EDARADD: variants seen among roughly 807,000 people sequenced by gnomAD.
The protein encoded by EDARADD is EDAR associated via death domain.
In EDARADD, 20 loss-of-function variants were observed where a neutral mutation model predicts 25.6. That is an observed-to-expected ratio of 0.78 (90% CI 0.55 to 1.14). The LOEUF is 1.14. EDARADD is among the 50% of genes most tolerant of loss of function. The pLI is 0.00. For synonymous variants in EDARADD, 86 were observed against 94.4 expected (o/e 0.91, Z 0.52); for missense variants, 225 against 270.1 (o/e 0.83, Z 1.17).
intron 3 of EDARADD, among the ~76,000 whole-genome samples, chr1:236,423,533 G>A (rs1022482815): frequency 1.3e-5 from 2 of 152,204 alleles, no homozygotes; most frequent in African/African-American, 4.8e-5. Flanking sequence ...ATGAGACTGA[G>A]AAAGTAGGAT....
chr1:236,351,916 CG>C (rs1443342949), intron 3 of EDARADD, among the ~76,000 whole-genome samples: 2 of 151,880 alleles, frequency 1.3e-5, no homozygotes, highest in African/African-American at 4.8e-5. Context: ...GGAGGTTTCT[CG>C]GAACTGTGGT....
At chr1:236,416,904 G>A (rs936225775) in intron 3 of EDARADD, among the ~76,000 whole-genome samples, 2 of 152,096 alleles carry the variant, frequency 1.3e-5, no homozygotes, top group African/African-American at 4.8e-5. Context: ...TTGACTCCAG[G>A]AGTTCAAGAC....
rs1659755481 is a variant in EDARADD at position 236,483,878 on chromosome 1, T to C, written c.*1229T>C. On this transcript the variant is annotated 3_prime_UTR_variant, in exon 6 of 6. Transcript: ENST00000334232. ...CGATTGGGAAAGCTGGCTACACTGATAAGGTGATCGTCAGCATGGACGTAG... is the reference window on the plus strand; with the variant it reads ...CGATTGGGAAAGCTGGCTACACTGACAAGGTGATCGTCAGCATGGACGTAG... 1 of 1,384,412 alleles carries C rather than the reference T, an allele frequency of 7.2e-7. No individual in the cohort carries two copies. 85.8% of individuals were successfully genotyped at this position (1,384,412 alleles called of 1,614,324 possible).
At chr1:236,460,320 G>A (rs1490676678) in intron 4 of EDARADD, among the ~76,000 whole-genome samples, 1 of 151,614 alleles carries the variant, frequency 6.6e-6, no homozygotes, top group Non-Finnish European at 1.5e-5. Flanking sequence ...ACATAGCTAG[G>A]ACTACAGGCG....
Position 236,484,308 on chromosome 1 carries a change from A to T in EDARADD, c.*1659A>T. 8.9e-7 allele frequency: 1 copy of T among 1,127,122 alleles called. No individual in the cohort carries two copies. The highest frequency in any genetic ancestry group is 1.4e-6 in the Non-Finnish European group (1 of 736,850). The allele number at this position is 1,127,122 out of a possible 1,614,324, so 69.8% of individuals were successfully genotyped here. On this transcript the variant is annotated 3_prime_UTR_variant, in exon 6 of 6. Coordinates refer to ENST00000334232, the MANE Select transcript of EDARADD (RefSeq NM_145861.4). The surrounding 1 kb of genome is among the most constrained non-coding windows in gnomAD (Gnocchi z 4.1). ...TGGGGAGACTGAAAATACCTTCATCACTGACCTGGTGGTGGGGCTGTGACC... is the reference window on the plus strand; with the variant it reads ...TGGGGAGACTGAAAATACCTTCATCTCTGACCTGGTGGTGGGGCTGTGACC...
chr1:236,408,696 T>G (rs1295861212), intron 1 of EDARADD, among the ~76,000 whole-genome samples: 1 of 151,946 alleles, frequency 6.6e-6, no homozygotes, highest in Non-Finnish European at 1.5e-5. Flanking sequence ...TGAGCTATGA[T>G]TGTGCCACTG....
chr1:236,455,502 C>G (rs79303020), intron 4 of EDARADD, among the ~76,000 whole-genome samples: 1,665 of 152,310 alleles, frequency 0.011, 30 homozygotes, highest in African/African-American at 0.036. Flanking sequence ...AAAATCAGAT[C>G]GTTCTGGTTT....
At chr1:236,453,137 A>T (rs1426415010) in intron 4 of EDARADD, among the ~76,000 whole-genome samples, 7 of 152,182 alleles carry the variant, frequency 4.6e-5, no homozygotes, top group Non-Finnish European at 1.0e-4. Flanking sequence ...CTTCCTAGTG[A>T]TAAGTGCCAC....
chr1:236,365,149 C>CATTTTTTT (rs57920823), intron 3 of EDARADD, among the ~76,000 whole-genome samples: 1 of 150,122 alleles, frequency 6.7e-6, no homozygotes. Flanking sequence ...GTTTTCTTTT[C>CATTTTTTT]TTTTTTTTTT....
At chr1:236,358,141 G>C (rs555533383) in intron 3 of EDARADD, among the ~76,000 whole-genome samples, 1 of 152,168 alleles carries the variant, frequency 6.6e-6, no homozygotes, top group Non-Finnish European at 1.5e-5. Flanking sequence ...AAAGTGCTAG[G>C]ATTACAGGCA....
In EDARADD at chr1:236,395,482, C is replaced by A. The variant is rs1667498350; in HGVS notation, c.61+977C>A. Reference sequence around the variant, plus strand: ...AGGAGAAGAAGAAGGGAGGGGAAGGCGGAGGAGGGCAGGGGCGCGCAGAGC... The same window carrying A: ...AGGAGAAGAAGAAGGGAGGGGAAGGAGGAGGAGGGCAGGGGCGCGCAGAGC... On this transcript the variant is annotated intron_variant, in intron 1 of 5. Coordinates refer to ENST00000334232, the MANE Select transcript of EDARADD (RefSeq NM_145861.4). The surrounding 1 kb of genome is among the most constrained non-coding windows in gnomAD (Gnocchi z 6.9). 8.0e-6 allele frequency: 12 copies of A among 1,506,790 alleles called. No individual in the cohort carries two copies. The South Asian group carries it at 1.5e-4, about 19-fold the overall frequency. 93.3% of individuals were successfully genotyped at this position (1,506,790 alleles called of 1,614,324 possible).
At chr1:236,405,013 G>T (rs1667681060) in intron 1 of EDARADD, among the ~76,000 whole-genome samples, 1 of 151,936 alleles carries the variant, frequency 6.6e-6, no homozygotes, top group African/African-American at 2.4e-5. Context: ...AGAAACGCTT[G>T]AACTCAGGAG....
intron 3 of EDARADD, among the ~76,000 whole-genome samples, chr1:236,368,443 T>TTTC (rs1553262556): frequency 4.2e-4 from 62 of 148,078 alleles, no homozygotes; most frequent in African/African-American, 1.4e-3. Flanking sequence ...GTCTTTTCTT[T>TTTC]TTTTTTTTTT....
At position 236,484,206 on chromosome 1, in the gene EDARADD, C is replaced by T; in HGVS notation, c.*1557C>T. ...CCTCCTGCTCAAAGTGAACCAGATT[C>T]GCTCTGTGACTGAGTCCCTTCAGGC... On this transcript the variant is annotated 3_prime_UTR_variant, in exon 6 of 6. Coordinates refer to ENST00000334232, the MANE Select transcript of EDARADD (RefSeq NM_145861.4). This position sits in a 1 kb window ranked among gnomAD's most constrained non-coding sequence, Gnocchi z 4.1. 3.8e-6 allele frequency: 4 copies of T among 1,051,950 alleles called. No homozygotes were observed. Among genetic ancestry groups the T allele is most frequent in the African/African-American group, 1.6e-5 (1 of 64,232 alleles). The allele number at this position is 1,051,950 out of a possible 1,614,324, so 65.2% of individuals were successfully genotyped here. A position where few individuals can be genotyped will look rare whatever the true frequency, so the allele number is the denominator to read the frequency against.
intron 5 of EDARADD, among the ~76,000 whole-genome samples, chr1:236,479,025 GGAAGGGGGT>G (rs1659590344): frequency 6.6e-6 from 1 of 152,154 alleles, no homozygotes; most frequent in Non-Finnish European, 1.5e-5. Context: ...GGAAAAGGTG[GGAAGGGGGT>G]GAAGGATAAA....
At position 236,349,875 on chromosome 1, in the gene EDARADD, A is replaced by C. The variant is rs183543663; in HGVS notation, c.-141-829A>C. Among the ~76,000 whole-genome samples, 560 of 152,280 alleles carry C rather than the reference A, an allele frequency of 3.7e-3. 4 individuals are homozygous for C. Among genetic ancestry groups the C allele is most frequent in the African/African-American group, 0.013 (539 of 41,550 alleles). On this transcript the variant is annotated intron_variant, in intron 2 of 7. Coordinates refer to the EDARADD transcript ENST00000439430. ...GCCTGTATTCCCAGCATTTTGGAAG[A>C]TTGAGGCAGGCAGATCGCCTGAGGT... is the stretch of plus-strand genomic sequence containing the variant.
rs760533767 is a variant in EDARADD, at chr1:236,409,133, TAG to T, written c.62-79_62-78del. Reference sequence around the variant, plus strand: ...CTAAGTAAAATTACTTGCCTCTGTATAGAGACAGTTATCAAAGGACTCATTTG... The same window carrying T: ...CTAAGTAAAATTACTTGCCTCTGTATAGACAGTTATCAAAGGACTCATTTG... On this transcript the variant is annotated intron_variant, in intron 1 of 5. Transcript: ENST00000334232. 4.1e-5 allele frequency: 39 copies of T among 959,746 alleles called. No homozygotes were observed. The South Asian group carries it at 4.7e-4, about 11-fold the overall frequency. The allele number at this position is 959,746 out of a possible 1,614,324, so 59.5% of individuals were successfully genotyped here.
chr1:236,435,421 A>G (rs1222213164), intron 4 of EDARADD, among the ~76,000 whole-genome samples: 2 of 152,214 alleles, frequency 1.3e-5, no homozygotes, highest in East Asian at 3.8e-4. Flanking sequence ...TCATAATTGT[A>G]TCTTCAATGC....
At chr1:236,355,231 G>A (rs74150415) in intron 3 of EDARADD, among the ~76,000 whole-genome samples, 3,568 of 152,222 alleles carry the variant, frequency 0.023, 145 homozygotes, top group African/African-American at 0.081. Flanking sequence ...TTACTGCTAC[G>A]TTGCTGTTGT....
Sources: gnomAD v4.1 joint callset for allele counts (sites outside exome capture counted in the v4.1 genomes callset) on GRCh38, gnomAD v4.1.1 for gene constraint, Gnocchi (gnomAD v3.1) non-coding constraint, MANE v1.5 for transcripts, NCBI Gene and HGNC (gene_info 2026-07-23, HGNC 2026-07-21) for gene names.